KIF17: variants seen among roughly 807,000 people sequenced by gnomAD.
KIF17 encodes kinesin-like protein KIF17.
In KIF17, 80 loss-of-function variants were observed where a neutral mutation model predicts 96.8. The observed-to-expected ratio is 0.83, with a 90% CI of 0.69 to 1.00. KIF17 has a LOEUF of 1.00. KIF17 is among the 50% of genes least tolerant of loss of function. KIF17 has a pLI of 0.00. For synonymous variants in KIF17, 567 were observed against 587.5 expected (o/e 0.97, Z 0.51); for missense variants, 1,280 against 1,372.9 (o/e 0.93, Z 1.07).
rs1483401520 is a variant in KIF17 at position 20,699,629 on chromosome 1, C to T, written c.1124-1141G>A. Among the ~76,000 whole-genome samples, 1 of 151,960 alleles carries T rather than the reference C, an allele frequency of 6.6e-6. No individual in the cohort carries two copies. Among genetic ancestry groups the T allele is most frequent in the Non-Finnish European group, 1.5e-5 (1 of 68,014 alleles). On this transcript the variant is annotated intron_variant, in intron 5 of 14. Coordinates refer to ENST00000400463, the MANE Select transcript of KIF17 (RefSeq NM_001122819.3). The surrounding 1 kb of genome is among the most constrained non-coding windows in gnomAD (Gnocchi z 4.3). ...TTTAGTCAAGGCATGAAGGAAGCAG[C>T]GAGGAGAGGGCGGGCACAGGAGGAG...
At chr1:20,696,089 CT>C (rs1225901417) in intron 6 of KIF17, among the ~76,000 whole-genome samples, 2 of 152,296 alleles carry the variant, frequency 1.3e-5, no homozygotes, top group African/African-American at 4.8e-5. Context: ...CTCAAACAAC[CT>C]GCCCAAGGTC....
At chr1:20,713,667 G>A in intron 2 of KIF17, 112 bp from the exon 3 acceptor site, 1 of 785,914 alleles carries the variant, frequency 1.3e-6, no homozygotes, top group South Asian at 1.5e-5. Context: ...GGGAGGAGAA[G>A]GGACATCGGG....
At position 20,685,710 on chromosome 1, in the gene KIF17, G is replaced by T. The variant is rs190512973; in HGVS notation, c.2019+336C>A. 7.9e-5 allele frequency among the ~76,000 whole-genome samples: 12 copies of T among 152,128 alleles called. No homozygotes were observed. Among genetic ancestry groups the T allele is most frequent in the Non-Finnish European group, 1.5e-4 (10 of 68,024 alleles). On this transcript the variant is annotated intron_variant, in intron 9 of 14. Transcript: ENST00000400463. The surrounding 1 kb of genome is among the most constrained non-coding windows in gnomAD (Gnocchi z 4.1). ...CTGGGGTGTTCAAATTGGGTTCCCCGATGGTGTCATAGGGGCCACCAGCCC... is the reference window on the plus strand; with the variant it reads ...CTGGGGTGTTCAAATTGGGTTCCCCTATGGTGTCATAGGGGCCACCAGCCC...
At position 20,664,240 on chromosome 1, in the gene KIF17, T is replaced by C; in HGVS notation, c.*344A>G. The C allele has an allele frequency of 2.3e-6, 2 of 868,944 alleles. No homozygotes were observed. Among genetic ancestry groups the C allele is most frequent in the East Asian group, 5.0e-5 (1 of 20,122 alleles). 53.8% of individuals were successfully genotyped at this position (868,944 alleles called of 1,614,324 possible). On this transcript the variant is annotated 3_prime_UTR_variant, in exon 15 of 15. Coordinates refer to ENST00000400463, the MANE Select transcript of KIF17 (RefSeq NM_001122819.3). The stretch of plus-strand genomic sequence containing the variant: ...CAGCTGCTGCCCTCTCCATCAGGGC[T>C]GGTGAAGGCCGTGAAGCAGGTCTCA...
At position 20,685,716 on chromosome 1, in the gene KIF17, G is replaced by A. The variant is rs1476929671; in HGVS notation, c.2019+330C>T. 6.6e-6 allele frequency among the ~76,000 whole-genome samples: 1 copy of A among 152,200 alleles called. No homozygotes were observed. The highest frequency in any genetic ancestry group is 2.4e-5 in the African/African-American group (1 of 41,452). On this transcript the variant is annotated intron_variant, in intron 9 of 14. Transcript: ENST00000400463. This position sits in a 1 kb window ranked among gnomAD's most constrained non-coding sequence, Gnocchi z 4.1. ...TGTTCAAATTGGGTTCCCCGATGGT[G>A]TCATAGGGGCCACCAGCCCTGACCT...
At chr1:20,666,653 C>A (rs1217311333) in intron 13 of KIF17, among the ~76,000 whole-genome samples, 1 of 152,148 alleles carries the variant, frequency 6.6e-6, no homozygotes, top group African/African-American at 2.4e-5. Flanking sequence ...AACAGGGGGG[C>A]CGGGTTGATA....
In KIF17 at chr1:20,709,831, G is replaced by A. The variant is rs1040820654; in HGVS notation, c.481-3C>T. ...CCCTTCTCTGGGTGCTCCTTCAGCTGAGGGAGGAGGAACAGTCAGGGGCGG... is the reference window on the plus strand; with the variant it reads ...CCCTTCTCTGGGTGCTCCTTCAGCTAAGGGAGGAGGAACAGTCAGGGGCGG... On this transcript the variant is annotated splice_polypyrimidine_tract_variant and splice_region_variant and intron_variant, in intron 3 of 14. Transcript: ENST00000400463. The surrounding 1 kb of genome is among the most constrained non-coding windows in gnomAD (Gnocchi z 4.7). 1 of 1,602,648 alleles carries A rather than the reference G, an allele frequency of 6.2e-7. No individual in the cohort carries two copies. Among genetic ancestry groups the A allele is most frequent in the East Asian group, 2.3e-5 (1 of 44,242 alleles).
chr1:20,671,015 C>T (rs1312919498), intron 12 of KIF17, among the ~76,000 whole-genome samples: 1 of 152,112 alleles, frequency 6.6e-6, no homozygotes, highest in South Asian at 2.1e-4. Flanking sequence ...TGTAAAGAAG[C>T]CCAGAGAGGG....
intron 2 of KIF17, 86 bp from the exon 3 acceptor site, chr1:20,713,641 G>T: frequency 1.0e-6 from 1 of 967,134 alleles, no homozygotes; most frequent in Non-Finnish European, 1.6e-6. Flanking sequence ...TGGGCCCTCT[G>T]CCACCAGGAC....
rs3077930 is a variant in KIF17 at position 20,707,787 on chromosome 1, A to ATGTGTGTGTG, written c.670+1842_670+1851dup. On this transcript the variant is annotated intron_variant, in intron 4 of 14. Coordinates refer to ENST00000400463, the MANE Select transcript of KIF17 (RefSeq NM_001122819.3). ...CAAAAAAAAAAACAAACCAATGTGT[A>ATGTGTGTGTG]TGTGTGTGTGTGTGTGTGTGTGTGT... Among the ~76,000 whole-genome samples, 501 of 124,540 alleles carry ATGTGTGTGTG rather than the reference A, an allele frequency of 4.0e-3. 5 individuals are homozygous for ATGTGTGTGTG. Among genetic ancestry groups the ATGTGTGTGTG allele is most frequent in the East Asian group, 9.7e-3 (42 of 4,344 alleles). The allele number at this position is 124,540 out of a possible 152,430, so 81.7% of individuals were successfully genotyped here.
chr1:20,690,059 G>T, intron 7 of KIF17, 129 bp downstream of exon 7: 2 of 976,450 alleles, frequency 2.0e-6, no homozygotes, highest in East Asian at 2.6e-5. Context: ...CTACCTTACT[G>T]GACCATTGTG....
Position 20,717,839 on chromosome 1 carries a change from C to T in KIF17, c.-133G>A. ...CCTTGAGGCAGGGGCGGGGCCGCGG[C>T]GGGGGGCGGGGACCCCTCGGGGGGC... is the stretch of plus-strand genomic sequence containing the variant. On this transcript the variant is annotated 5_prime_UTR_variant, in exon 1 of 15. Transcript: ENST00000400463. 1 of 794,300 alleles carries T rather than the reference C, an allele frequency of 1.3e-6. No individual in the cohort carries two copies. Among genetic ancestry groups the T allele is most frequent in the Non-Finnish European group, 1.6e-6 (1 of 638,856 alleles). 49.2% of individuals were successfully genotyped at this position (794,300 alleles called of 1,614,324 possible). A position where few individuals can be genotyped will look rare whatever the true frequency, so the allele number is the denominator to read the frequency against.
intron 6 of KIF17, among the ~76,000 whole-genome samples, chr1:20,697,755 G>A (rs889648891): frequency 6.6e-6 from 1 of 152,194 alleles, no homozygotes; most frequent in Admixed American, 6.5e-5. Context: ...GGCAGGAGTG[G>A]GGGGGCCCCC....
chr1:20,666,216 A>C lies in KIF17; in HGVS notation c.2906T>G (p.Leu969Arg). 1 of 1,610,908 alleles carries C rather than the reference A, an allele frequency of 6.2e-7. No homozygotes were observed. Among genetic ancestry groups the C allele is most frequent in the Non-Finnish European group, 8.5e-7 (1 of 1,177,096 alleles). ...GGGGACAGGGGAGGGACACTCACTG[A>C]GGCTCTTCCTGGCGTCTGTGCTGAG... ...QILSTDARKS[L>R]THHNSPPGLS... Residue 969 changes from leucine to arginine, a missense_variant and splice_region_variant, in exon 14 of 15, where the codon CTC becomes CGC. Transcript: ENST00000400463.
intron 13 of KIF17, among the ~76,000 whole-genome samples, chr1:20,668,186 T>C (rs1021600142): frequency 6.6e-6 from 1 of 151,998 alleles, no homozygotes; most frequent in Non-Finnish European, 1.5e-5. Context: ...GGCAGGCACC[T>C]GTAGTCCCAG....
In KIF17 at chr1:20,672,580, A is replaced by T. The variant is rs2053666724; in HGVS notation, c.2464-384T>A. The stretch of plus-strand genomic sequence containing the variant: ...CCTTTGAGAAGTCCCCACATCCAAC[A>T]CCACCGTTCTAAAGGATATCAGAGA... On this transcript the variant is annotated intron_variant, in intron 11 of 14. Coordinates refer to ENST00000400463, the MANE Select transcript of KIF17 (RefSeq NM_001122819.3). This position sits in a 1 kb window ranked among gnomAD's most constrained non-coding sequence, Gnocchi z 4.3. Among the ~76,000 whole-genome samples the T allele has an allele frequency of 6.6e-6, 1 of 152,122 alleles. No homozygotes were observed. Among genetic ancestry groups the T allele is most frequent in the Non-Finnish European group, 1.5e-5 (1 of 68,020 alleles).
downstream of KIF17, among the ~76,000 whole-genome samples, chr1:20,663,539 G>T (rs2053473310): frequency 1.3e-5 from 2 of 152,334 alleles, no homozygotes; most frequent in South Asian, 4.1e-4. Flanking sequence ...GGCTCAGAGT[G>T]AAATGAGGTT....
chr1:20,713,171 T>A (rs1366173388), intron 3 of KIF17, among the ~76,000 whole-genome samples: 3 of 150,994 alleles, frequency 2.0e-5, no homozygotes, highest in Non-Finnish European at 4.4e-5. Flanking sequence ...AGTTTTTGTA[T>A]TTTTAGTAGA....
chr1:20,669,553 A>AATC (rs2053600014), intron 13 of KIF17, among the ~76,000 whole-genome samples: 1 of 134,860 alleles, frequency 7.4e-6, no homozygotes, highest in African/African-American at 2.8e-5. Flanking sequence ...TAATAATAAT[A>AATC]ATAATAATAA....
Sources: allele counts gnomAD v4.1 joint callset (sites outside exome capture counted in the v4.1 genomes callset), GRCh38; gene constraint gnomAD v4.1.1; non-coding constraint Gnocchi (gnomAD v3.1); transcripts MANE v1.5; gene names NCBI Gene and HGNC (gene_info 2026-07-23, HGNC 2026-07-21).